PBX3: variants seen among roughly 807,000 people sequenced by gnomAD.
The protein encoded by PBX3 is pre-B-cell leukemia transcription factor 3.
A neutral mutation model predicts 48.5 loss-of-function variants in PBX3; 14 were observed. The observed-to-expected ratio is 0.29, with a 90% CI of 0.19 to 0.45. The LOEUF (loss-of-function observed/expected upper bound fraction) is 0.45. Ranked by LOEUF, PBX3 falls within the 20% of genes least tolerant of loss-of-function variation. PBX3 has a pLI of 1.00. For missense variants in PBX3, 386 were observed against 546.7 expected (o/e 0.71, Z 2.93); for synonymous variants, 210 against 200.3 (o/e 1.05, Z -0.41).
chr9:125,844,272 T>G (rs1839366584), intron 2 of PBX3, among the ~76,000 whole-genome samples: 1 of 151,192 alleles, frequency 6.6e-6, no homozygotes, highest in African/African-American at 2.4e-5. Flanking sequence ...CATAAGTGAC[T>G]GTTTAACAGA....
At chr9:125,892,315 A>G (rs1840667359) in intron 2 of PBX3, among the ~76,000 whole-genome samples, 1 of 152,312 alleles carries the variant, frequency 6.6e-6, no homozygotes, top group East Asian at 1.9e-4. Flanking sequence ...TATCATTTAC[A>G]TAATGGTTTG....
chr9:125,853,987 C>CAA, intron 2 of PBX3, among the ~76,000 whole-genome samples: 1 of 134,528 alleles, frequency 7.4e-6, no homozygotes, highest in Non-Finnish European at 1.5e-5. Context: ...CTGCTGTATA[C>CAA]ACACACACAC....
intron 2 of PBX3, among the ~76,000 whole-genome samples, chr9:125,877,504 G>T (rs1840283720): frequency 6.6e-6 from 1 of 152,186 alleles, no homozygotes; most frequent in South Asian, 2.1e-4. Flanking sequence ...TAAAAACAGA[G>T]AAATTAAGAG....
intron 2 of PBX3, among the ~76,000 whole-genome samples, chr9:125,751,812 G>T (rs995384716): frequency 6.6e-6 from 1 of 152,144 alleles, no homozygotes; most frequent in Admixed American, 6.5e-5. Context: ...CACAAGGTCT[G>T]CTCACCTGCA....
chr9:125,863,718 A>G (rs536624120), intron 2 of PBX3, among the ~76,000 whole-genome samples: 1 of 152,322 alleles, frequency 6.6e-6, no homozygotes, highest in East Asian at 1.9e-4. Context: ...AGCATTTCTT[A>G]TCACTGGTTA....
intron 5 of PBX3, among the ~76,000 whole-genome samples, chr9:125,956,005 CCATCCCACTTTG>C (rs1243228246): frequency 1.3e-5 from 2 of 152,172 alleles, no homozygotes; most frequent in Non-Finnish European, 2.9e-5. Flanking sequence ...AATTCTAGAT[CCATCCCACTTTG>C]CATCCCACTT....
At chr9:125,832,258 C>A (rs866493919) in intron 2 of PBX3, among the ~76,000 whole-genome samples, 1 of 151,256 alleles carries the variant, frequency 6.6e-6, no homozygotes, top group African/African-American at 2.4e-5. Flanking sequence ...TGCAGTGGCG[C>A]GATCTCGGCT....
At chr9:125,941,536 G>A (rs1452438897) in intron 5 of PBX3, among the ~76,000 whole-genome samples, 1 of 152,228 alleles carries the variant, frequency 6.6e-6, no homozygotes, top group African/African-American at 2.4e-5. Context: ...ATGATGAGAT[G>A]TGACTGGGTT....
intron 2 of PBX3, among the ~76,000 whole-genome samples, chr9:125,873,814 A>G (rs1055596959): frequency 2.0e-5 from 3 of 152,184 alleles, no homozygotes; most frequent in Non-Finnish European, 4.4e-5. Flanking sequence ...GGAAAATAGA[A>G]AAAAGGGAAT....
intron 2 of PBX3, among the ~76,000 whole-genome samples, chr9:125,774,957 C>G (rs1837033480): frequency 6.6e-6 from 1 of 152,020 alleles, no homozygotes; most frequent in South Asian, 2.1e-4. Context: ...ACCTCTGCTT[C>G]CTAGGTTCAA....
At chr9:125,888,502 G>C (rs1161930079) in intron 2 of PBX3, among the ~76,000 whole-genome samples, 1 of 151,904 alleles carries the variant, frequency 6.6e-6, no homozygotes, top group Non-Finnish European at 1.5e-5. Context: ...TGCTTTACCA[G>C]AAACAGATGC....
intron 2 of PBX3, among the ~76,000 whole-genome samples, chr9:125,868,335 T>G (rs555999303): frequency 6.6e-6 from 1 of 152,366 alleles, no homozygotes; most frequent in South Asian, 2.1e-4. Flanking sequence ...TGATTTTATT[T>G]ACATTTGAAA....
intron 3 of PBX3, among the ~76,000 whole-genome samples, chr9:125,926,334 A>G (rs1841574962): frequency 6.6e-6 from 1 of 152,068 alleles, no homozygotes; most frequent in Admixed American, 6.6e-5. Context: ...AGCCTGGCCA[A>G]CATGGTAAAA....
At chr9:125,847,892 T>C (rs889969439) in intron 2 of PBX3, among the ~76,000 whole-genome samples, 2 of 151,986 alleles carry the variant, frequency 1.3e-5, no homozygotes, top group Non-Finnish European at 2.9e-5. Context: ...CTATCTCCCC[T>C]AATAGCTTTT....
In PBX3 at chr9:125,825,499, T is replaced by A. The variant is rs75941951; in HGVS notation, c.274+76876T>A. Among the ~76,000 whole-genome samples the A allele has an allele frequency of 6.0e-4, 91 of 151,470 alleles. No homozygotes were observed. The South Asian group carries it at 0.012, about 20-fold the overall frequency. ...ATATTGTTTTACTTTTTTTTTTTTT[T>A]AACAAATTCTTTAATGTCTGGCTTC... On this transcript the variant is annotated intron_variant, in intron 2 of 8. Coordinates refer to ENST00000373489, the MANE Select transcript of PBX3 (RefSeq NM_006195.6).
intron 2 of PBX3, among the ~76,000 whole-genome samples, chr9:125,785,152 A>G (rs889720719): frequency 9.2e-5 from 14 of 152,192 alleles, no homozygotes; most frequent in Non-Finnish European, 1.5e-4. Context: ...GAAACAGACA[A>G]GCGCCTTGTG....
chr9:125,823,220 A>G (rs1838707118), intron 2 of PBX3, among the ~76,000 whole-genome samples: 1 of 152,194 alleles, frequency 6.6e-6, no homozygotes, highest in South Asian at 2.1e-4. Flanking sequence ...ATTGCTGTTG[A>G]TTATTGACAT....
At chr9:125,946,790 G>A (rs2132562844) in intron 5 of PBX3, among the ~76,000 whole-genome samples, 1 of 152,286 alleles carries the variant, frequency 6.6e-6, no homozygotes, top group Admixed American at 6.5e-5. Flanking sequence ...GAATGGGTCA[G>A]AAGCAGTATT....
rs146290941 is a variant in PBX3, at chr9:125,807,454, C to G, written c.274+58831C>G. On this transcript the variant is annotated intron_variant, in intron 2 of 8. Transcript: ENST00000373489. Reference sequence around the variant, plus strand: ...GAAGCAAGTGTTGAGCATGAGCACTCTGGTAGAGGTTGGGACACTTGGTAA... The same window carrying G: ...GAAGCAAGTGTTGAGCATGAGCACTGTGGTAGAGGTTGGGACACTTGGTAA... Among the ~76,000 whole-genome samples the G allele has an allele frequency of 5.9e-3, 892 of 152,288 alleles. 6 individuals are homozygous for G. The highest frequency in any genetic ancestry group is 0.01 in the Non-Finnish European group (708 of 68,028).
Sources: allele counts gnomAD v4.1 joint callset (sites outside exome capture counted in the v4.1 genomes callset), GRCh38; gene constraint gnomAD v4.1.1; transcripts MANE v1.5; gene names NCBI Gene and HGNC (gene_info 2026-07-23, HGNC 2026-07-21).